CAMSAP1: variants seen among roughly 807,000 people sequenced by gnomAD.
CAMSAP1 encodes the protein calmodulin regulated spectrin associated protein 1.
CAMSAP1 carries 58 observed loss-of-function variants against 143.5 expected under a neutral mutation model. The ratio of observed to expected loss-of-function variants is 0.40; its 90% confidence interval spans 0.33 to 0.50. CAMSAP1 has a LOEUF of 0.50. Ranked by LOEUF, CAMSAP1 falls within the 20% of genes least tolerant of loss-of-function variation. The probability of loss-of-function intolerance (pLI) is 0.45; values close to 1 mark genes in which losing one functional copy is unlikely to be tolerated. For missense variants in CAMSAP1, 1,969 were observed against 2,115.7 expected, an observed-to-expected ratio of 0.93 and a Z score of 1.36; for synonymous variants, 945 against 859.3, an observed-to-expected ratio of 1.10 and a Z score of -1.74.
chr9:135,843,813 G>C (rs145458207), intron 7 of CAMSAP1, among the ~76,000 whole-genome samples: 205 of 146,054 alleles, frequency 1.4e-3, no homozygotes, highest in African/African-American at 5.1e-3. Flanking sequence ...GGCGGAGCTT[G>C]CAGTCAGCCA....
Position 135,818,998 on chromosome 9 carries a change from C to T in CAMSAP1, c.3959+12G>A, listed in dbSNP as rs748837384. 6 of 1,603,736 alleles carry T rather than the reference C, an allele frequency of 3.7e-6. No homozygotes were observed. The highest frequency in any genetic ancestry group is 4.5e-5 in the East Asian group (2 of 44,658). On this transcript the variant is annotated intron_variant, in intron 12 of 16. Transcript: ENST00000389532. The surrounding 1 kb of genome is among the most constrained non-coding windows in gnomAD (Gnocchi z 7.7). ...CTGCTCAGTCTGCTTTCCCCCCCGG[C>T]GGGACGCTTACCGGGCTTCGTCACG...
chr9:135,880,301 A>G (rs998947451), intron 3 of CAMSAP1, among the ~76,000 whole-genome samples: 1 of 152,124 alleles, frequency 6.6e-6, no homozygotes, highest in African/African-American at 2.4e-5. Context: ...GGTGAGAGCC[A>G]GGGATGAGTG....
chr9:135,820,773 A>C lies in CAMSAP1; in HGVS notation c.3822+66T>G, dbSNP rs1835414866. 3 of 1,564,998 alleles carry C rather than the reference A, an allele frequency of 1.9e-6. No homozygotes were observed. Among genetic ancestry groups the C allele is most frequent in the Non-Finnish European group, 2.6e-6 (3 of 1,157,500 alleles). Reference sequence around the variant, plus strand: ...AGCCTGGTGCAGATCTGTGTTCTCTAACTCACTATCACGTGGGGTGGCAAC... The same window carrying C: ...AGCCTGGTGCAGATCTGTGTTCTCTCACTCACTATCACGTGGGGTGGCAAC... On this transcript the variant is annotated intron_variant, in intron 11 of 16. Transcript: ENST00000389532. This position sits in a 1 kb window ranked among gnomAD's most constrained non-coding sequence, Gnocchi z 4.4.
At position 135,818,657 on chromosome 9, in the gene CAMSAP1, C is replaced by T. The variant is rs748899650; in HGVS notation, c.3960-41G>A. 2 of 1,598,252 alleles carry T rather than the reference C, an allele frequency of 1.3e-6. No individual in the cohort carries two copies. Among genetic ancestry groups the T allele is most frequent in the African/African-American group, 1.3e-5 (1 of 74,618 alleles). The stretch of plus-strand genomic sequence containing the variant: ...GCCCAGACACTGCTCGGTCACGGGG[C>T]TTCTTCCACGACGCCTGCGCCGCGG... On this transcript the variant is annotated intron_variant, in intron 12 of 16. Transcript: ENST00000389532. The surrounding 1 kb of genome is among the most constrained non-coding windows in gnomAD (Gnocchi z 7.7).
At chr9:135,837,430 A>G (rs569828295) in intron 7 of CAMSAP1, among the ~76,000 whole-genome samples, 71 of 139,216 alleles carry the variant, frequency 5.1e-4, no homozygotes, top group South Asian at 1.2e-3. Context: ...CGCGCTTTCT[A>G]CCCCTTCTAC....
intron 7 of CAMSAP1, among the ~76,000 whole-genome samples, chr9:135,849,634 T>C (rs563820811): frequency 1.3e-5 from 2 of 152,312 alleles, no homozygotes; most frequent in African/African-American, 4.8e-5. Flanking sequence ...TAGTTATTAA[T>C]AGTTGGGGTT....
chr9:135,859,507 C>T (rs1403061003), intron 5 of CAMSAP1, among the ~76,000 whole-genome samples: 1 of 152,166 alleles, frequency 6.6e-6, no homozygotes, highest in African/African-American at 2.4e-5. Context: ...ATTCTCCTGC[C>T]TCAGCCTCCC....
chr9:135,823,892 A>ACTG, intron 10 of CAMSAP1, 58 bp downstream of exon 10: 1 of 1,354,084 alleles, frequency 7.4e-7, no homozygotes. Flanking sequence ...CATCTTAAGA[A>ACTG]CTGCTGTTTA....
chr9:135,823,464 T>A (rs1835559615), intron 10 of CAMSAP1, among the ~76,000 whole-genome samples: 1 of 152,258 alleles, frequency 6.6e-6, no homozygotes, highest in African/African-American at 2.4e-5. Flanking sequence ...CCAGGACCTC[T>A]TGATACCCTT....
At chr9:135,858,361 G>GT (rs1434426069) in intron 5 of CAMSAP1, among the ~76,000 whole-genome samples, 1 of 151,632 alleles carries the variant, frequency 6.6e-6, no homozygotes, top group Non-Finnish European at 1.5e-5. Context: ...TCTTTTTCTA[G>GT]TAACAAATAC....
At position 135,871,832 on chromosome 9, in the gene CAMSAP1, G is replaced by C. The variant is rs553941256; in HGVS notation, c.586-5296C>G. ...TATAAAGAGGTCCTGGCCAGGCGTGGTGGCTCACGCCTGTAATCCCAGCAC... is the reference window on the plus strand; with the variant it reads ...TATAAAGAGGTCCTGGCCAGGCGTGCTGGCTCACGCCTGTAATCCCAGCAC... On this transcript the variant is annotated intron_variant, in intron 3 of 16. Coordinates refer to ENST00000389532, the MANE Select transcript of CAMSAP1 (RefSeq NM_015447.4). Among the ~76,000 whole-genome samples, 176 of 152,124 alleles carry C rather than the reference G, an allele frequency of 1.2e-3. 5 individuals carry two copies. Among genetic ancestry groups the C allele is most frequent in the Admixed American group, 0.011 (172 of 15,274 alleles).
chr9:135,862,474 T>C lies in CAMSAP1; in HGVS notation c.801A>G (p.Lys267=). ...VIHYYCPEQM[K]LDDICLKEVT... ...GAAGCATTCTCCACTCACCATCCAG[T>C]TTCATCTGCTCTGGGCAATAATAGT... Residue 267 remains lysine, a synonymous_variant, in exon 5 of 17, where the codon AAA becomes AAG. Coordinates refer to ENST00000389532, the MANE Select transcript of CAMSAP1 (RefSeq NM_015447.4). 1 of 1,551,610 alleles carries C rather than the reference T, an allele frequency of 6.4e-7. No individual in the cohort carries two copies. The highest frequency in any genetic ancestry group is 8.7e-7 in the Non-Finnish European group (1 of 1,146,970).
chr9:135,814,276 A>T (rs1201879739), intron 16 of CAMSAP1, among the ~76,000 whole-genome samples: 1 of 152,252 alleles, frequency 6.6e-6, no homozygotes, highest in African/African-American at 2.4e-5. Context: ...ATGTCACTTT[A>T]ATTTTTACAA....
chr9:135,851,262 T>C (rs1401498773), intron 5 of CAMSAP1, among the ~76,000 whole-genome samples: 3 of 152,210 alleles, frequency 2.0e-5, no homozygotes, highest in Admixed American at 2.0e-4. Flanking sequence ...ATTTCAGAAA[T>C]AACTTTTTAC....
At chr9:135,847,952 G>GAGGGGGGCAGGGAAGGGGAAGA (rs1836634499) in intron 7 of CAMSAP1, among the ~76,000 whole-genome samples, 1 of 26,086 alleles carries the variant, frequency 3.8e-5, no homozygotes, top group African/African-American at 1.5e-4. Flanking sequence ...GGAGTGGGGG[G>GAGGGGGGCAGGGAAGGGGAAGA]GGAGGGGGAG....
Position 135,815,799 on chromosome 9 carries a change from T to G in CAMSAP1, c.4387+91A>C. 2.8e-6 allele frequency: 3 copies of G among 1,064,876 alleles called. No individual in the cohort carries two copies. The South Asian group carries it at 4.4e-5, about 16-fold the overall frequency. The allele number at this position is 1,064,876 out of a possible 1,614,324, so 66.0% of individuals were successfully genotyped here. ...ACATCTTTGTTAGAAAAATACTTTT[T>G]AGACCAAAATAGAGAACAGATATTG... On this transcript the variant is annotated intron_variant, in intron 15 of 16. Coordinates refer to ENST00000389532, the MANE Select transcript of CAMSAP1 (RefSeq NM_015447.4).
intron 1 of CAMSAP1, among the ~76,000 whole-genome samples, chr9:135,903,365 CAA>C (rs946375350): frequency 1.1e-4 from 16 of 152,144 alleles, no homozygotes; most frequent in African/African-American, 3.6e-4. Context: ...GTCAATGAAA[CAA>C]GAGAGTTACC....
rs1420502828 is a variant in CAMSAP1, at chr9:135,820,450, G to A, written c.3822+389C>T. On this transcript the variant is annotated intron_variant, in intron 11 of 16. Coordinates refer to ENST00000389532, the MANE Select transcript of CAMSAP1 (RefSeq NM_015447.4). The surrounding 1 kb of genome is among the most constrained non-coding windows in gnomAD (Gnocchi z 4.4). The stretch of plus-strand genomic sequence containing the variant: ...GAGGTTGGCAAACTTCAGCCCACAG[G>A]CCAGGCCTGGCCACCTCCAGAGCAT... Among the ~76,000 whole-genome samples, 1 of 152,050 alleles carries A rather than the reference G, an allele frequency of 6.6e-6. No homozygotes were observed. The highest frequency in any genetic ancestry group is 1.9e-4 in the East Asian group (1 of 5,192).
chr9:135,812,071 G>A (rs922134538), intron 16 of CAMSAP1, among the ~76,000 whole-genome samples: 8 of 152,174 alleles, frequency 5.3e-5, no homozygotes, highest in Non-Finnish European at 1.0e-4. Context: ...GGCAGTTACC[G>A]TGGGACCCAG....
Sources: allele counts gnomAD v4.1 joint callset (sites outside exome capture counted in the v4.1 genomes callset), GRCh38; gene constraint gnomAD v4.1.1; non-coding constraint Gnocchi (gnomAD v3.1); transcripts MANE v1.5; gene names NCBI Gene and HGNC (gene_info 2026-07-23, HGNC 2026-07-21).